Variants in ELAPOR2 observed in about 807,000 individuals in gnomAD.
ELAPOR2 encodes the protein endosome/lysosome-associated apoptosis and autophagy regulator family member 2.
In ELAPOR2, 89 loss-of-function variants were observed where a neutral mutation model predicts 120.7. The ratio of observed to expected loss-of-function variants is 0.74; its 90% CI spans 0.62 to 0.88. The LOEUF (loss-of-function observed/expected upper bound fraction) is 0.88. Among genes scored for constraint, ELAPOR2 ranks in the 40% least tolerant of loss-of-function variants. The probability of loss-of-function intolerance (pLI) is 0.00; values close to 1 mark genes in which losing one functional copy is unlikely to be tolerated. For synonymous variants in ELAPOR2, 444 were observed against 444.9 expected (o/e 1.00, Z 0.03); for missense variants, 1,134 against 1,251.6 (o/e 0.91, Z 1.42).
rs181861262 is a variant in ELAPOR2, at chr7:86,900,539, A to C, written c.2559-2907T>G. Among the ~76,000 whole-genome samples, 51 of 152,328 alleles carry C rather than the reference A, an allele frequency of 3.3e-4. 1 individual carries two copies. Among genetic ancestry groups the C allele is most frequent in the Middle Eastern group, 3.4e-3 (1 of 294 alleles). ...AGAACCACAGAAACTGCAACAACAA[A>C]AAAAAATCACGACACTGATTTAATT... On this transcript the variant is annotated intron_variant, in intron 18 of 21. Coordinates refer to ENST00000450689, the MANE Select transcript of ELAPOR2 (RefSeq NM_001142749.3).
intron 1 of ELAPOR2, among the ~76,000 whole-genome samples, chr7:87,029,630 T>A (rs772253930): frequency 6.6e-6 from 1 of 152,228 alleles, no homozygotes; most frequent in Non-Finnish European, 1.5e-5. Flanking sequence ...GGATAAGTAA[T>A]GTAAATAATG....
At chr7:86,993,098 T>C (rs1792999768) in intron 1 of ELAPOR2, among the ~76,000 whole-genome samples, 1 of 151,758 alleles carries the variant, frequency 6.6e-6, no homozygotes, top group African/African-American at 2.4e-5. Flanking sequence ...TAGCTGGGCG[T>C]GGTGGCGCGC....
At chr7:86,960,749 T>C (rs1791671694) in intron 2 of ELAPOR2, among the ~76,000 whole-genome samples, 1 of 152,184 alleles carries the variant, frequency 6.6e-6, no homozygotes, top group South Asian at 2.1e-4. Context: ...GTTGACCCTT[T>C]TATCATTATG....
At chr7:86,902,547 C>A (rs1358590714) in intron 18 of ELAPOR2, among the ~76,000 whole-genome samples, 2 of 152,196 alleles carry the variant, frequency 1.3e-5, no homozygotes, top group Non-Finnish European at 2.9e-5. Flanking sequence ...AACCTCCCAA[C>A]ACACCATCTC....
At chr7:87,051,317 AC>A (rs1423751371) in intron 1 of ELAPOR2, among the ~76,000 whole-genome samples, 1 of 152,212 alleles carries the variant, frequency 6.6e-6, no homozygotes. Flanking sequence ...TGATGACAGA[AC>A]AATCAACTGG....
intron 1 of ELAPOR2, among the ~76,000 whole-genome samples, chr7:86,990,804 T>G (rs1767699): frequency 0.38 from 57,508 of 152,012 alleles, 11,721 homozygotes; most frequent in African/African-American, 0.53. Context: ...ATTCTCATCA[T>G]AAAATATTCC....
chr7:86,956,965 C>G (rs942347656), intron 2 of ELAPOR2, among the ~76,000 whole-genome samples: 1 of 152,204 alleles, frequency 6.6e-6, no homozygotes, highest in African/African-American at 2.4e-5. Context: ...CAGTCACCTT[C>G]TACTTCTTGA....
At chr7:86,896,133 T>A (rs759321303) in intron 19 of ELAPOR2, among the ~76,000 whole-genome samples, 3 of 152,112 alleles carry the variant, frequency 2.0e-5, no homozygotes, top group Non-Finnish European at 4.4e-5. Context: ...TAATTTTTGT[T>A]TTTGTGTTGT....
At chr7:86,938,056 T>C in intron 8 of ELAPOR2, 70 bp downstream of exon 8, 1 of 1,158,480 alleles carries the variant, frequency 8.6e-7, no homozygotes, top group Non-Finnish European at 1.3e-6. Context: ...CACGAACAAA[T>C]TAGAGTCTGC....
intron 1 of ELAPOR2, among the ~76,000 whole-genome samples, chr7:87,010,252 G>A (rs554045863): frequency 6.6e-6 from 1 of 152,316 alleles, no homozygotes; most frequent in Admixed American, 6.5e-5. Flanking sequence ...CAGCTTTCCA[G>A]TTGGAAATCT....
intron 12 of ELAPOR2, 141 bp from the exon 13 acceptor site, chr7:86,915,001 A>G (rs187137963): frequency 4.9e-5 from 34 of 687,918 alleles, no homozygotes; most frequent in Admixed American, 1.1e-4. Context: ...ATGTAATCCC[A>G]GAACTCTTAA....
chr7:86,947,669 G>A, intron 3 of ELAPOR2, 58 bp downstream of exon 3: 4 of 1,381,494 alleles, frequency 2.9e-6, no homozygotes, highest in Non-Finnish European at 4.0e-6. Flanking sequence ...CTGGAAAAGA[G>A]CAACTACTTT....
chr7:86,919,402 T>C, intron 10 of ELAPOR2, 92 bp from the exon 11 acceptor site: 1 of 723,612 alleles, frequency 1.4e-6, no homozygotes, highest in South Asian at 2.6e-5. Flanking sequence ...AAAGAAGCAT[T>C]AGTGTTTCTG....
chr7:87,052,296 C>T (rs531372936), intron 1 of ELAPOR2, among the ~76,000 whole-genome samples: 36 of 152,274 alleles, frequency 2.4e-4, no homozygotes, highest in South Asian at 4.1e-4. Flanking sequence ...TCTCACATGG[C>T]GGCAGACAAG....
At chr7:86,949,848 C>A (rs187565690) in intron 2 of ELAPOR2, among the ~76,000 whole-genome samples, 1 of 152,214 alleles carries the variant, frequency 6.6e-6, no homozygotes. Context: ...ACTCCTTGAC[C>A]GAACAGCCTG....
intron 19 of ELAPOR2, among the ~76,000 whole-genome samples, chr7:86,893,405 T>C (rs539182183): frequency 1.3e-5 from 2 of 151,950 alleles, no homozygotes; most frequent in East Asian, 1.9e-4. Flanking sequence ...GCCAAGGAGG[T>C]TGAATAAAAA....
intron 1 of ELAPOR2, among the ~76,000 whole-genome samples, chr7:87,005,893 T>C (rs996527861): frequency 6.6e-6 from 1 of 152,042 alleles, no homozygotes; most frequent in Non-Finnish European, 1.5e-5. Context: ...AATGCAATAA[T>C]TATAAAAGAA....
chr7:86,936,444 T>C (rs2116307791), intron 8 of ELAPOR2, among the ~76,000 whole-genome samples: 1 of 152,210 alleles, frequency 6.6e-6, no homozygotes, highest in African/African-American at 2.4e-5. Context: ...AAATTTCAAA[T>C]TCACATATGC....
chr7:86,923,902 T>C (rs79960263), intron 10 of ELAPOR2, among the ~76,000 whole-genome samples: 5,790 of 152,200 alleles, frequency 0.038, 372 homozygotes, highest in African/African-American at 0.13. Context: ...TGCTTCTACA[T>C]ACCTGTTCTG....
Sources: allele counts gnomAD v4.1 joint callset (sites outside exome capture counted in the v4.1 genomes callset), GRCh38; gene constraint gnomAD v4.1.1; transcripts MANE v1.5; gene names NCBI Gene and HGNC (gene_info 2026-07-23, HGNC 2026-07-21).